Variants in GTF2H5 observed in about 807,000 individuals in gnomAD.
GTF2H5 encodes general transcription factor IIH subunit 5, also known as TFB5 ortholog.
In GTF2H5, 5 loss-of-function variants were observed where a neutral mutation model predicts 7.1. That is an observed-to-expected ratio of 0.71 (90% confidence interval 0.37 to 1.49). The LOEUF is 1.49. GTF2H5 is among the 40% of genes most tolerant of loss of function. GTF2H5 has a pLI of 0.03. For missense variants in GTF2H5, 80 were observed against 83.0 expected, an observed-to-expected ratio of 0.96 and a Z score of 0.14; for synonymous variants, 30 against 31.7, an observed-to-expected ratio of 0.95 and a Z score of 0.18.
rs896482180 is a variant in GTF2H5 at position 158,196,148 on chromosome 6, G to C, written c.*3991G>C. 1 of 152,272 alleles carries C rather than the reference G, an allele frequency of 6.6e-6. No homozygotes were observed. 9.4% of individuals were successfully genotyped at this position (152,272 alleles called of 1,614,324 possible). A position where few individuals can be genotyped will look rare whatever the true frequency, so the allele number is the denominator to read the frequency against. On this transcript the variant is annotated 3_prime_UTR_variant, in exon 3 of 3. Transcript: ENST00000607778. ...TACAAAAAAATTAGCTGGGCATGGTGGTGGACGCCTGTAGTCCCAGCTACT... is the reference window on the plus strand; with the variant it reads ...TACAAAAAAATTAGCTGGGCATGGTCGTGGACGCCTGTAGTCCCAGCTACT...
At chr6:158,168,794 A>G (rs752886114) in intron 1 of GTF2H5, among the ~76,000 whole-genome samples, 4 of 152,194 alleles carry the variant, frequency 2.6e-5, no homozygotes, top group Non-Finnish European at 4.4e-5. Context: ...TGGTCTCCTC[A>G]TATGTAAAAT....
chr6:158,169,360 ATATATATAATATGTATATTATATAT>A lies in GTF2H5; in HGVS notation c.-35+978_-35+1002del, dbSNP rs1562467672. ...ATAATACGTATATTATATATAATAC[ATATATATAATATGTATATTATATAT>A]TATATATAATATTATATTGTATATT... On this transcript the variant is annotated intron_variant, in intron 1 of 2. Coordinates refer to ENST00000607778, the MANE Select transcript of GTF2H5 (RefSeq NM_207118.3). 3.5e-5 allele frequency among the ~76,000 whole-genome samples: 3 copies of A among 86,678 alleles called. No individual in the cohort carries two copies. The Admixed American group carries it at 7.1e-4, about 20-fold the overall frequency. 56.9% of individuals were successfully genotyped at this position (86,678 alleles called of 152,430 possible).
At chr6:158,185,540 CAAAAA>C (rs35857314) in intron 2 of GTF2H5, among the ~76,000 whole-genome samples, 2 of 81,544 alleles carry the variant, frequency 2.5e-5, no homozygotes, top group Admixed American at 1.6e-4. Flanking sequence ...GGCCCTGTCT[CAAAAA>C]AAAAAAAAAA....
At chr6:158,185,361 G>A (rs1209231515) in intron 2 of GTF2H5, among the ~76,000 whole-genome samples, 3 of 151,938 alleles carry the variant, frequency 2.0e-5, no homozygotes, top group Non-Finnish European at 4.4e-5. Context: ...GCAATGTGGT[G>A]AAACCCCATT....
intron 2 of GTF2H5, chr6:158,190,688 G>T (rs1283531316): frequency 2.2e-6 from 1 of 446,152 alleles, no homozygotes; most frequent in Non-Finnish European, 4.4e-6. Context: ...TATTTTTCTT[G>T]TTTTCAGTAA....
chr6:158,193,545 A>T lies in GTF2H5; in HGVS notation c.*1388A>T, dbSNP rs560696205. Reference sequence around the variant, plus strand: ...TACCATATTTATTCACTTACACAGCATTACTGAATCTGGAAATTTTCAGTT... The same window carrying T: ...TACCATATTTATTCACTTACACAGCTTTACTGAATCTGGAAATTTTCAGTT... On this transcript the variant is annotated 3_prime_UTR_variant, in exon 3 of 3. Transcript: ENST00000607778. 5.9e-4 allele frequency: 90 copies of T among 152,322 alleles called. No individual in the cohort carries two copies. The highest frequency in any genetic ancestry group is 2.2e-3 in the African/African-American group (90 of 41,566). 9.4% of individuals were successfully genotyped at this position (152,322 alleles called of 1,614,324 possible).
chr6:158,169,615 TAC>T lies in GTF2H5; in HGVS notation c.-34-853_-34-852del, dbSNP rs1469497797. Among the ~76,000 whole-genome samples the T allele has an allele frequency of 1.2e-3, 104 of 86,124 alleles. 11 individuals are homozygous for T. The highest frequency in any genetic ancestry group is 5.6e-3 in the African/African-American group (97 of 17,334). The allele number at this position is 86,124 out of a possible 152,430, so 56.5% of individuals were successfully genotyped here. ...ATTGTATATTACATATATTGTATAT[TAC>T]ATATAATATATTGTATATTACATAT... On this transcript the variant is annotated intron_variant, in intron 1 of 2. Transcript: ENST00000607778.
At chr6:158,179,992 A>T (rs945968430) in intron 2 of GTF2H5, among the ~76,000 whole-genome samples, 6 of 152,322 alleles carry the variant, frequency 3.9e-5, no homozygotes, top group African/African-American at 1.2e-4. Flanking sequence ...AATAGCTCTT[A>T]TTATGAGATA....
At chr6:158,184,569 G>C (rs985876514) in intron 2 of GTF2H5, among the ~76,000 whole-genome samples, 1 of 152,064 alleles carries the variant, frequency 6.6e-6, no homozygotes, top group African/African-American at 2.4e-5. Context: ...AATGTTCTGG[G>C]CTCTAATCTA....
chr6:158,185,194 GTTA>G (rs1583635542), intron 2 of GTF2H5, among the ~76,000 whole-genome samples: 1 of 146,386 alleles, frequency 6.8e-6, no homozygotes, highest in East Asian at 2.0e-4. Context: ...ATCATTACAT[GTTA>G]TCTTTACTTC....
chr6:158,178,126 G>C (rs892634465), intron 2 of GTF2H5, among the ~76,000 whole-genome samples: 1 of 152,100 alleles, frequency 6.6e-6, no homozygotes, highest in Non-Finnish European at 1.5e-5. Context: ...TCTAGTTCTA[G>C]ATCCTTAAGG....
chr6:158,176,962 G>A (rs1384060295), intron 2 of GTF2H5, among the ~76,000 whole-genome samples: 2 of 152,228 alleles, frequency 1.3e-5, no homozygotes, highest in Non-Finnish European at 2.9e-5. Flanking sequence ...GCCTTTAAGC[G>A]GTTTTCCGCC....
intron 2 of GTF2H5, among the ~76,000 whole-genome samples, chr6:158,185,968 C>G (rs1776915930): frequency 6.6e-6 from 1 of 152,086 alleles, no homozygotes; most frequent in Non-Finnish European, 1.5e-5. Flanking sequence ...GCCCTCCAGC[C>G]TGGGTGACGG....
intron 2 of GTF2H5, among the ~76,000 whole-genome samples, chr6:158,187,767 C>T (rs1449481754): frequency 1.3e-5 from 2 of 152,100 alleles, no homozygotes; most frequent in South Asian, 2.1e-4. Flanking sequence ...GGGGTTTCAC[C>T]GTGTTATCCA....
intron 1 of GTF2H5, among the ~76,000 whole-genome samples, chr6:158,169,453 T>TAA (rs1785736944): frequency 5.2e-5 from 3 of 57,564 alleles, no homozygotes; most frequent in African/African-American, 2.4e-4. Flanking sequence ...ATATTATATA[T>TAA]TATATATATT....
At chr6:158,184,272 G>A (rs1332933223) in intron 2 of GTF2H5, among the ~76,000 whole-genome samples, 1 of 152,090 alleles carries the variant, frequency 6.6e-6, no homozygotes, top group Non-Finnish European at 1.5e-5. Flanking sequence ...ATGTGAAGGA[G>A]GAGCCGCATC....
chr6:158,198,493 C>T lies in GTF2H5; in HGVS notation c.*6336C>T, dbSNP rs932881402. Reference sequence around the variant, plus strand: ...TGTTGCTCAGGCTGAAGTGCAATAGCGCAAACTCGGCTCACTGCAACCTCC... The same window carrying T: ...TGTTGCTCAGGCTGAAGTGCAATAGTGCAAACTCGGCTCACTGCAACCTCC... On this transcript the variant is annotated 3_prime_UTR_variant, in exon 3 of 3. Transcript: ENST00000607778. 2.0e-5 allele frequency: 3 copies of T among 152,168 alleles called. No individual in the cohort carries two copies. In the South Asian group the frequency reaches 6.2e-4, roughly 32 times the overall value. 9.4% of individuals were successfully genotyped at this position (152,168 alleles called of 1,614,324 possible).
In GTF2H5 at chr6:158,197,980, G is replaced by T. The variant is rs1047043183; in HGVS notation, c.*5823G>T. The stretch of plus-strand genomic sequence containing the variant: ...ATGGAGCTTATGTTGAGAAATAAAA[G>T]AAATTATATTTTATTTTTATCTTTT... On this transcript the variant is annotated 3_prime_UTR_variant, in exon 3 of 3. Coordinates refer to ENST00000607778, the MANE Select transcript of GTF2H5 (RefSeq NM_207118.3). 6.6e-6 allele frequency: 1 copy of T among 152,162 alleles called. No homozygotes were observed. The highest frequency in any genetic ancestry group is 1.5e-5 in the Non-Finnish European group (1 of 68,024). The allele number at this position is 152,162 out of a possible 1,614,324, so 9.4% of individuals were successfully genotyped here.
intron 2 of GTF2H5, among the ~76,000 whole-genome samples, chr6:158,176,551 G>A (rs571586765): frequency 1.3e-5 from 2 of 152,218 alleles, no homozygotes; most frequent in African/African-American, 2.4e-5. Flanking sequence ...AAGGATATAC[G>A]TATGTCTTAG....
Sources: allele counts gnomAD v4.1 joint callset (sites outside exome capture counted in the v4.1 genomes callset), GRCh38; gene constraint gnomAD v4.1.1; transcripts MANE v1.5; gene names NCBI Gene and HGNC (gene_info 2026-07-23, HGNC 2026-07-21).